The following NUP107 variants were observed in gnomAD, a reference collection of about 807,000 sequenced individuals.
NUP107 encodes nucleoporin 107.
A neutral mutation model predicts 141.0 loss-of-function variants in NUP107; 101 were observed. That is an observed-to-expected ratio of 0.72 (90% confidence interval 0.61 to 0.84). The LOEUF (loss-of-function observed/expected upper bound fraction) is 0.84, where lower values mean the gene tolerates loss of function less well. NUP107 is among the 40% of genes least tolerant of loss of function. The pLI is 0.00. For synonymous variants in NUP107, 319 were observed against 363.9 expected (o/e 0.88, Z 1.41); for missense variants, 941 against 1,102.7 (o/e 0.85, Z 2.08).
In NUP107 at chr12:68,702,474, AG is replaced by A. The variant is rs555227141; in HGVS notation, c.681-260del. 6.6e-5 allele frequency among the ~76,000 whole-genome samples: 10 copies of A among 152,174 alleles called. No homozygotes were observed. The East Asian group carries it at 1.9e-3, about 29-fold the overall frequency. On this transcript the variant is annotated intron_variant, in intron 7 of 27. Transcript: ENST00000229179. The stretch of plus-strand genomic sequence containing the variant: ...ACGGGGTTTCACTCTGTTGTTCGCC[AG>A]GCTGGTCTTAAACTCCTGACCTCAA...
intron 10 of NUP107, among the ~76,000 whole-genome samples, chr12:68,711,740 A>G (rs1461437355): frequency 6.6e-6 from 1 of 152,218 alleles, no homozygotes; most frequent in Non-Finnish European, 1.5e-5. Flanking sequence ...CAAAGAAGCC[A>G]GTGGGAACAC....
At chr12:68,722,259 C>T in intron 17 of NUP107, 107 bp downstream of exon 17, 1 of 799,522 alleles carries the variant, frequency 1.3e-6, no homozygotes. Context: ...CTTTTTCTCA[C>T]CTATTAAAAT....
chr12:68,702,747 A>G lies in NUP107; in HGVS notation c.692A>G (p.Gln231Arg), dbSNP rs1212357538. ...LLASLYRDRIQSALEEESVFA... is the reference protein window; with the variant it reads ...LLASLYRDRIRSALEEESVFA... Reference sequence around the variant, plus strand: ...TTATTTTTCCCCAGAGACAGAATACAGTCTGCATTAGAAGAGGAAAGTGTA... The same window carrying G: ...TTATTTTTCCCCAGAGACAGAATACGGTCTGCATTAGAAGAGGAAAGTGTA... Residue 231 changes from glutamine (Q) to arginine (R), a missense_variant, in exon 8 of 28, where the codon CAG becomes CGG. Transcript: ENST00000229179. 17 of 1,546,222 alleles carry G rather than the reference A, an allele frequency of 1.1e-5. No individual in the cohort carries two copies. Among genetic ancestry groups the G allele is most frequent in the Non-Finnish European group, 1.5e-5 (17 of 1,145,074 alleles).
intron 10 of NUP107, among the ~76,000 whole-genome samples, chr12:68,711,984 G>A (rs984634602): frequency 2.6e-5 from 4 of 152,120 alleles, no homozygotes; most frequent in Non-Finnish European, 5.9e-5. Flanking sequence ...AGACACTTCT[G>A]TCCTGTTTTC....
At chr12:68,698,038 AAAAG>A (rs567183924) in intron 6 of NUP107, among the ~76,000 whole-genome samples, 150 of 152,170 alleles carry the variant, frequency 9.9e-4, no homozygotes, top group Non-Finnish European at 1.4e-3. Flanking sequence ...AAAAAAAAAA[AAAAG>A]AAAGAAAAGA....
rs1878438114 is a variant in NUP107 at position 68,744,413 on chromosome 12, T to G, written c.*1951T>G. ...TTATTTATTTATTTTTGAGACATGGTCTTGCTCTGTCTCCCAGGCCGGAGT... is the reference window on the plus strand; with the variant it reads ...TTATTTATTTATTTTTGAGACATGGGCTTGCTCTGTCTCCCAGGCCGGAGT... On this transcript the variant is annotated 3_prime_UTR_variant, in exon 28 of 28. Transcript: ENST00000229179. 6.6e-6 allele frequency: 1 copy of G among 152,212 alleles called. No homozygotes were observed. The highest frequency in any genetic ancestry group is 2.4e-5 in the African/African-American group (1 of 41,444). 9.4% of individuals were successfully genotyped at this position (152,212 alleles called of 1,614,324 possible).
intron 6 of NUP107, among the ~76,000 whole-genome samples, chr12:68,700,455 A>G (rs1020438754): frequency 6.6e-6 from 1 of 152,198 alleles, no homozygotes; most frequent in Admixed American, 6.6e-5. Flanking sequence ...AGGGAGAAAA[A>G]AATATATCCA....
In NUP107 at chr12:68,734,684, TG is replaced by T. The variant is rs147827465; in HGVS notation, c.2263-22del. On this transcript the variant is annotated intron_variant, in intron 24 of 27. Transcript: ENST00000229179. ...TGAAAACTTTTGTTATTTTATATTTTGGTTTTTTTATTTCACATTTTAGGAA... is the reference window on the plus strand; with the variant it reads ...TGAAAACTTTTGTTATTTTATATTTTGTTTTTTTATTTCACATTTTAGGAA... The T allele has an allele frequency of 2.4e-3, 3,626 of 1,487,272 alleles. 118 individuals carry two copies. In the East Asian group the frequency reaches 0.074, roughly 30 times the overall value. 92.1% of individuals were successfully genotyped at this position (1,487,272 alleles called of 1,614,324 possible). A position where few individuals can be genotyped will look rare whatever the true frequency, so the allele number is the denominator to read the frequency against.
At chr12:68,725,837 GTTTTTT>G in intron 18 of NUP107, 41 bp downstream of exon 18, 2 of 620,184 alleles carry the variant, frequency 3.2e-6, no homozygotes, top group Non-Finnish European at 5.1e-6. Flanking sequence ...TTTTGTGTGT[GTTTTTT>G]TTTTTTTTTT....
At chr12:68,732,828 C>A in intron 23 of NUP107, 89 bp downstream of exon 23, 1 of 768,980 alleles carries the variant, frequency 1.3e-6, no homozygotes, top group Non-Finnish European at 2.1e-6. Flanking sequence ...TACAGGCACC[C>A]ACCACCACAC....
chr12:68,741,167 A>C (rs1037470256), intron 26 of NUP107, among the ~76,000 whole-genome samples: 3 of 151,858 alleles, frequency 2.0e-5, no homozygotes, highest in Non-Finnish European at 4.4e-5. Context: ...TAAGAGGTTT[A>C]CTCTTTTTTC....
In NUP107 at chr12:68,744,636, GATCTCT is replaced by G. The variant is rs1311877463; in HGVS notation, c.*2175_*2180del. The stretch of plus-strand genomic sequence containing the variant: ...TGACCTCAAGTGATCCACTCGCCTC[GATCTCT>G]CAAAGTGCTGGGATTACAGGCATAA... On this transcript the variant is annotated 3_prime_UTR_variant, in exon 28 of 28. Transcript: ENST00000229179. 6.6e-6 allele frequency: 1 copy of G among 152,252 alleles called. No homozygotes were observed. Among genetic ancestry groups the G allele is most frequent in the Non-Finnish European group, 1.5e-5 (1 of 68,122 alleles). 9.4% of individuals were successfully genotyped at this position (152,252 alleles called of 1,614,324 possible).
intron 4 of NUP107, among the ~76,000 whole-genome samples, chr12:68,691,193 C>A (rs1288044242): frequency 6.6e-6 from 1 of 152,012 alleles, no homozygotes; most frequent in Non-Finnish European, 1.5e-5. Flanking sequence ...AACTGAAAAC[C>A]TTATGCATCT....
chr12:68,689,462 A>G (rs1875670223), intron 2 of NUP107, 71 bp from the exon 3 acceptor site: 9 of 899,498 alleles, frequency 1.0e-5, no homozygotes, highest in Non-Finnish European at 1.6e-5. Context: ...TTTGTATAGT[A>G]AAAAGATGGT....
At chr12:68,706,910 C>A in intron 8 of NUP107, 1 of 724,810 alleles carries the variant, frequency 1.4e-6, no homozygotes, top group Non-Finnish European at 2.5e-6. Context: ...CTATGGGGGC[C>A]TCATAAGCCC....
chr12:68,712,375 G>A (rs1434225779), intron 10 of NUP107, among the ~76,000 whole-genome samples: 10 of 130,118 alleles, frequency 7.7e-5, no homozygotes, highest in African/African-American at 3.0e-4. Flanking sequence ...CCAAGATCAC[G>A]CCATTGCACT....
At chr12:68,736,990 A>T (rs1878102174) in intron 26 of NUP107, among the ~76,000 whole-genome samples, 1 of 152,154 alleles carries the variant, frequency 6.6e-6, no homozygotes, top group South Asian at 2.1e-4. Context: ...GGCGTGAGCC[A>T]CTGCGCCCAG....
At chr12:68,738,146 C>T (rs1377712936) in intron 26 of NUP107, among the ~76,000 whole-genome samples, 3 of 152,104 alleles carry the variant, frequency 2.0e-5, no homozygotes, top group Non-Finnish European at 2.9e-5. Flanking sequence ...CATGGTGGCA[C>T]GTGCCTGTAG....
intron 5 of NUP107, 80 bp downstream of exon 5, chr12:68,692,192 C>T (rs536500377): frequency 6.4e-5 from 84 of 1,321,210 alleles, no homozygotes; most frequent in East Asian, 1.2e-4. Context: ...TGTTTCTGAA[C>T]GTCATTATGT....
Sources: allele counts gnomAD v4.1 joint callset (sites outside exome capture counted in the v4.1 genomes callset), GRCh38; gene constraint gnomAD v4.1.1; transcripts MANE v1.5; gene names NCBI Gene and HGNC (gene_info 2026-07-23, HGNC 2026-07-21).